Variants in COBL observed in about 807,000 individuals in gnomAD.
The protein encoded by COBL is protein cordon-bleu.
Under a neutral mutation model 98.8 loss-of-function variants are expected in COBL, and 51 were observed. The observed-to-expected ratio is 0.52, with a 90% confidence interval of 0.41 to 0.65. The LOEUF is 0.65. Ranked by LOEUF, COBL falls within the 30% of genes least tolerant of loss-of-function variation. The pLI, the probability that COBL is intolerant of heterozygous loss-of-function variation, is 0.00. For synonymous variants in COBL, 634 were observed against 651.7 expected (o/e 0.97, Z 0.41); for missense variants, 1,617 against 1,617.5 (o/e 1.00, Z 0.01).
At chr7:51,076,517 C>G (rs1168965266) in intron 7 of COBL, among the ~76,000 whole-genome samples, 4 of 152,210 alleles carry the variant, frequency 2.6e-5, no homozygotes, top group Non-Finnish European at 5.9e-5. Flanking sequence ...TGCTCGATCA[C>G]TTGCTTAAAA....
intron 1 of COBL, among the ~76,000 whole-genome samples, chr7:51,256,553 T>C (rs1484139799): frequency 6.6e-6 from 1 of 152,192 alleles, no homozygotes; most frequent in South Asian, 2.1e-4. Flanking sequence ...AAAAACACCG[T>C]GGAAGATGCC....
At chr7:51,067,586 G>A (rs1792072152) in intron 7 of COBL, among the ~76,000 whole-genome samples, 1 of 152,164 alleles carries the variant, frequency 6.6e-6, no homozygotes, top group Admixed American at 6.5e-5. Context: ...AGAACCACTA[G>A]TCACACTGTA....
At chr7:51,310,335 G>A (rs768021762) in intron 1 of COBL, among the ~76,000 whole-genome samples, 74 of 152,278 alleles carry the variant, frequency 4.9e-4, no homozygotes, top group Non-Finnish European at 2.4e-4. Flanking sequence ...TTTCACCTTG[G>A]ACAACTGGCA....
At chr7:51,169,544 T>C (rs1787651850) in intron 5 of COBL, among the ~76,000 whole-genome samples, 2 of 152,252 alleles carry the variant, frequency 1.3e-5, no homozygotes, top group Non-Finnish European at 2.9e-5. Flanking sequence ...TCTTGTCATT[T>C]GCAACAACAG....
At chr7:51,018,908 ATATATATATATATATATATATATAT>A (rs1786616357) in intron 12 of COBL, among the ~76,000 whole-genome samples, 4 of 30,262 alleles carry the variant, frequency 1.3e-4, no homozygotes, top group African/African-American at 5.2e-4. Flanking sequence ...AAAAAAAAAT[ATATATATATATATATATATATATAT>A]ATATATATAT....
chr7:51,129,698 G>A lies in COBL; in HGVS notation c.957+6460C>T, dbSNP rs549412240. 2.0e-5 allele frequency among the ~76,000 whole-genome samples: 3 copies of A among 152,194 alleles called. No individual in the cohort carries two copies. The South Asian group carries it at 6.2e-4, about 32-fold the overall frequency. Reference sequence around the variant, plus strand: ...AGGTGGCCAGCGAGACTTCATGGATGCAGTGACTGCCAAGCAGGGTCTGGT... The same window carrying A: ...AGGTGGCCAGCGAGACTTCATGGATACAGTGACTGCCAAGCAGGGTCTGGT... On this transcript the variant is annotated intron_variant, in intron 6 of 12. Coordinates refer to ENST00000265136, the MANE Select transcript of COBL (RefSeq NM_015198.5).
chr7:51,197,824 A>G (rs985299209), intron 2 of COBL, among the ~76,000 whole-genome samples: 1 of 152,158 alleles, frequency 6.6e-6, no homozygotes, highest in African/African-American at 2.4e-5. Context: ...GTCTGAAATT[A>G]GTATTGCACC....
intron 2 of COBL, among the ~76,000 whole-genome samples, chr7:51,205,626 GTT>G (rs11463516): frequency 7.0e-6 from 1 of 143,344 alleles, no homozygotes; most frequent in Non-Finnish European, 1.5e-5. Flanking sequence ...TTGTTTGTTT[GTT>G]TTTGTTTTTT....
In COBL at chr7:51,156,368, A is replaced by C; in HGVS notation, c.784-20037T>G. 3.0e-6 allele frequency: 3 copies of C among 985,338 alleles called. No individual in the cohort carries two copies. The South Asian group carries it at 1.4e-4, about 46-fold the overall frequency. 61.0% of individuals were successfully genotyped at this position (985,338 alleles called of 1,614,324 possible). On this transcript the variant is annotated intron_variant, in intron 5 of 12. Transcript: ENST00000265136. ...TATCTCAGTTTGAAGCTCAGAGCCA[A>C]TACTTCCGAAATGTCCCTTTCTGAA... is the stretch of plus-strand genomic sequence containing the variant.
At chr7:51,255,210 T>C (rs1797091340) in intron 1 of COBL, among the ~76,000 whole-genome samples, 1 of 152,228 alleles carries the variant, frequency 6.6e-6, no homozygotes, top group Non-Finnish European at 1.5e-5. Context: ...AGAATAATCC[T>C]AGCGACCTCC....
chr7:51,141,016 A>G (rs899398036), intron 5 of COBL, among the ~76,000 whole-genome samples: 8 of 152,140 alleles, frequency 5.3e-5, no homozygotes, highest in African/African-American at 1.9e-4. Context: ...CAATCTGTTC[A>G]TACAACAAAA....
At chr7:51,053,464 G>A (rs1335501887) in intron 7 of COBL, among the ~76,000 whole-genome samples, 1 of 152,194 alleles carries the variant, frequency 6.6e-6, no homozygotes, top group Non-Finnish European at 1.5e-5. Flanking sequence ...CCTCAAGCTG[G>A]CACACTGTGC....
At chr7:51,158,836 G>A (rs1331092758) in intron 5 of COBL, among the ~76,000 whole-genome samples, 3 of 152,182 alleles carry the variant, frequency 2.0e-5, no homozygotes, top group Admixed American at 6.5e-5. Flanking sequence ...TCCATAGGGC[G>A]GGGGACAGGG....
At chr7:51,168,435 CA>C (rs113007751) in intron 5 of COBL, among the ~76,000 whole-genome samples, 18,777 of 132,070 alleles carry the variant, frequency 0.14, 1,589 homozygotes, top group African/African-American at 0.27. Flanking sequence ...GACTCCGTTT[CA>C]AAAAAAAAAA....
intron 6 of COBL, among the ~76,000 whole-genome samples, chr7:51,109,139 C>G (rs1278748866): frequency 6.6e-6 from 1 of 152,214 alleles, no homozygotes; most frequent in East Asian, 1.9e-4. Flanking sequence ...AGCCTCTTCC[C>G]TCCTTGCACT....
chr7:51,306,320 A>G (rs960131539), intron 1 of COBL, among the ~76,000 whole-genome samples: 2 of 152,184 alleles, frequency 1.3e-5, no homozygotes, highest in African/African-American at 2.4e-5. Flanking sequence ...AAGAGGCCCT[A>G]AAAGCATCAC....
intron 2 of COBL, among the ~76,000 whole-genome samples, chr7:51,209,054 A>AC (rs1349364319): frequency 9.8e-5 from 11 of 112,484 alleles, no homozygotes; most frequent in East Asian, 3.2e-4. Flanking sequence ...ATTAAAAAAA[A>AC]AAAAAAAAAA....
intron 1 of COBL, among the ~76,000 whole-genome samples, chr7:51,315,239 A>G (rs1803425916): frequency 6.7e-6 from 1 of 148,724 alleles, no homozygotes; most frequent in South Asian, 2.2e-4. Flanking sequence ...AGAATTATAT[A>G]ACCACCAGTA....
chr7:51,162,877 C>T (rs1363001586), intron 5 of COBL, among the ~76,000 whole-genome samples: 2 of 152,222 alleles, frequency 1.3e-5, no homozygotes, highest in African/African-American at 4.8e-5. Context: ...GAAGCTGTTA[C>T]CCTGTTTGCA....
Sources: allele counts gnomAD v4.1 joint callset (sites outside exome capture counted in the v4.1 genomes callset), GRCh38; gene constraint gnomAD v4.1.1; transcripts MANE v1.5; gene names NCBI Gene and HGNC (gene_info 2026-07-23, HGNC 2026-07-21).